LTBP4: variants seen among roughly 807,000 people sequenced by gnomAD.
The protein encoded by LTBP4 is latent-transforming growth factor beta-binding protein 4.
In LTBP4, 93 loss-of-function variants were observed where a neutral mutation model predicts 180.2. That is an observed-to-expected ratio of 0.52 (90% CI 0.44 to 0.61). The LOEUF is 0.61. Among genes scored for constraint, LTBP4 ranks in the 20% least tolerant of loss-of-function variants. The probability of loss-of-function intolerance (pLI) is 0.00; values close to 1 mark genes in which losing one functional copy is unlikely to be tolerated. For synonymous variants in LTBP4, 947 were observed against 934.5 expected (o/e 1.01, Z -0.24); for missense variants, 2,116 against 2,256.5 (o/e 0.94, Z 1.26).
chr19:40,625,794 G>A (rs2081629307), intron 26 of LTBP4, 63 bp from the exon 27 acceptor site: 2 of 1,429,602 alleles, frequency 1.4e-6, no homozygotes, highest in East Asian at 2.6e-5. Flanking sequence ...CAGGGGAAGG[G>A]TCCAGCCCCT....
At position 40,629,388 on chromosome 19, in the gene LTBP4, CT is replaced by C; in HGVS notation, c.4520-7del. 1 of 1,612,810 alleles carries C rather than the reference CT, an allele frequency of 6.2e-7. No homozygotes were observed. The highest frequency in any genetic ancestry group is 8.5e-7 in the Non-Finnish European group (1 of 1,179,522). ...CCTTCAGCAGCGATCGTTGTCTCCCCTCCGCAGACATCAACGAGTGTGATGA... is the reference window on the plus strand; with the variant it reads ...CCTTCAGCAGCGATCGTTGTCTCCCCCCGCAGACATCAACGAGTGTGATGA... On this transcript the variant is annotated splice_polypyrimidine_tract_variant and splice_region_variant and intron_variant, in intron 29 of 29. Transcript: ENST00000396819. The surrounding 1 kb of genome is among the most constrained non-coding windows in gnomAD (Gnocchi z 4.5).
In LTBP4 at chr19:40,605,325, G is replaced by C. The variant is rs1016941330; in HGVS notation, c.443-80G>C. ...CCGCCTTCCCGAGCACCTTTGCCCA[G>C]CTCGCCCTCCCCGCCTTGTCTAGCC... On this transcript the variant is annotated intron_variant, in intron 2 of 29. Coordinates refer to ENST00000396819, the MANE Select transcript of LTBP4 (RefSeq NM_001042545.2). This position sits in a 1 kb window ranked among gnomAD's most constrained non-coding sequence, Gnocchi z 5.5. 7.6e-6 allele frequency: 12 copies of C among 1,583,572 alleles called. No homozygotes were observed. The highest frequency in any genetic ancestry group is 3.3e-4 in the Middle Eastern group (2 of 6,046).
At chr19:40,593,928 G>T (rs1345383389) in intron 1 of LTBP4, among the ~76,000 whole-genome samples, 1 of 152,004 alleles carries the variant, frequency 6.6e-6, no homozygotes, top group African/African-American at 2.4e-5. Context: ...TGAGTAGCCG[G>T]GATTACAGGC....
At position 40,609,209 on chromosome 19, in the gene LTBP4, G is replaced by GTAGATAATTATTTTTCATTATCTAATAT. The variant is rs1346034802; in HGVS notation, c.1427-307_1427-280dup. ...GTAAGTGCTCAGATAAATACTTATGGTAGATAATTATTTTTCATTATCTAA... is the reference window on the plus strand; with the variant it reads ...GTAAGTGCTCAGATAAATACTTATGGTAGATAATTATTTTTCATTATCTAATATTAGATAATTATTTTTCATTATCTAA... On this transcript the variant is annotated intron_variant, in intron 9 of 29. Transcript: ENST00000396819. The surrounding 1 kb of genome is among the most constrained non-coding windows in gnomAD (Gnocchi z 4.9). Among the ~76,000 whole-genome samples, 6 of 152,228 alleles carry GTAGATAATTATTTTTCATTATCTAATAT rather than the reference G, an allele frequency of 3.9e-5. No individual in the cohort carries two copies. The East Asian group carries it at 7.7e-4, about 20-fold the overall frequency.
chr19:40,610,455 C>G (rs1568406026), intron 11 of LTBP4, 77 bp from the exon 12 acceptor site: 7 of 1,508,122 alleles, frequency 4.6e-6, no homozygotes, highest in African/African-American at 1.4e-5. Flanking sequence ...CTCCCGCTTC[C>G]CTCTACCCCT....
chr19:40,614,163 T>A lies in LTBP4; in HGVS notation c.2680+125T>A, dbSNP rs1348607710. Reference sequence around the variant, plus strand: ...CCTTACCTCTTTCCCCCGCCTCCTCTCCTAGCCTCCCCAACTCTCCTCTAC... The same window carrying A: ...CCTTACCTCTTTCCCCCGCCTCCTCACCTAGCCTCCCCAACTCTCCTCTAC... On this transcript the variant is annotated intron_variant, in intron 18 of 29. Transcript: ENST00000396819. 5 of 1,417,012 alleles carry A rather than the reference T, an allele frequency of 3.5e-6. No homozygotes were observed. In the Admixed American group the frequency reaches 9.4e-5, roughly 27 times the overall value. The allele number at this position is 1,417,012 out of a possible 1,614,324, so 87.8% of individuals were successfully genotyped here.
intron 26 of LTBP4, among the ~76,000 whole-genome samples, chr19:40,624,347 G>A (rs2081609744): frequency 1.3e-5 from 2 of 152,228 alleles, no homozygotes; most frequent in Non-Finnish European, 2.9e-5. Context: ...CACACTGGGT[G>A]AATAGCCCCT....
chr19:40,606,712 C>A (rs1250639980), intron 6 of LTBP4, among the ~76,000 whole-genome samples, 186 bp downstream of exon 6: 1 of 152,228 alleles, frequency 6.6e-6, no homozygotes, highest in Non-Finnish European at 1.5e-5. Flanking sequence ...CACCTTTAGA[C>A]CTTTCAAGCC....
At chr19:40,604,308 C>G (rs539356779) in intron 1 of LTBP4, among the ~76,000 whole-genome samples, 11 of 151,968 alleles carry the variant, frequency 7.2e-5, no homozygotes, top group Non-Finnish European at 1.3e-4. Flanking sequence ...CTTCGTGGAC[C>G]AAGCAGAGGG....
At chr19:40,604,855 C>T (rs970499566) in intron 1 of LTBP4, among the ~76,000 whole-genome samples, 180 bp from the exon 2 acceptor site, 3 of 152,114 alleles carry the variant, frequency 2.0e-5, no homozygotes, top group African/African-American at 7.2e-5. Flanking sequence ...GTGGGTGGGA[C>T]CGTACCTCTG....
chr19:40,596,473 G>C (rs1054997877), upstream of LTBP4, among the ~76,000 whole-genome samples: 1 of 152,068 alleles, frequency 6.6e-6, no homozygotes, highest in African/African-American at 2.4e-5. Context: ...TGGGGGCGGC[G>C]ATAAGTGGGG....
Position 40,613,187 on chromosome 19 carries a change from C to T in LTBP4, c.2422C>T (p.Pro808Ser). 2.5e-6 allele frequency: 4 copies of T among 1,568,676 alleles called. No homozygotes were observed. Among genetic ancestry groups the T allele is most frequent in the Non-Finnish European group, 3.5e-6 (4 of 1,157,164 alleles). The change falls in exon 16 of 30, where the codon CCC becomes TCC. Residue 808 changes from proline to serine, a missense_variant. By Grantham distance (74) the Pro-to-Ser change is moderately conservative. Around this residue, in one of 5 missense-constraint regions of LTBP4, gnomAD observed 877 missense variants for 873.6 expected, o/e 1.00. Coordinates refer to ENST00000396819, the MANE Select transcript of LTBP4 (RefSeq NM_001042545.2). This position sits in a 1 kb window ranked among gnomAD's most constrained non-coding sequence, Gnocchi z 5.0. Reference sequence around the variant, plus strand: ...CCGGGCGCCGTCGGGTCGGCCCGGGCCCTGCGCAGGTGAGCAGCATAGGGA... The same window carrying T: ...CCGGGCGCCGTCGGGTCGGCCCGGGTCCTGCGCAGGTGAGCAGCATAGGGA... ...GYRAPSGRPG[P>S]CADVNECLEG... is the part of the protein sequence containing the mutation.
chr19:40,625,300 A>ATT lies in LTBP4; in HGVS notation c.3833-556_3833-555insTT, dbSNP rs2081623501. 1.2e-3 allele frequency among the ~76,000 whole-genome samples: 14 copies of ATT among 11,514 alleles called. 2 individuals carry two copies. Among genetic ancestry groups the ATT allele is most frequent in the African/African-American group, 3.8e-3 (4 of 1,040 alleles). The allele number at this position is 11,514 out of a possible 152,430, so 7.6% of individuals were successfully genotyped here. On this transcript the variant is annotated intron_variant, in intron 26 of 29. Coordinates refer to ENST00000396819, the MANE Select transcript of LTBP4 (RefSeq NM_001042545.2). ...TATATATATATATATATATATATAT[A>ATT]TATATATATATATATATTTTTTTTT... is the stretch of plus-strand genomic sequence containing the variant.
At chr19:40,623,551 A>G (rs545185218) in intron 24 of LTBP4, 53 bp from the exon 25 acceptor site, 2 of 1,579,674 alleles carry the variant, frequency 1.3e-6, no homozygotes, top group Non-Finnish European at 1.7e-6. Context: ...TCATGCCCTC[A>G]CACACTCCAC....
In LTBP4 at chr19:40,617,003, C is replaced by CA; in HGVS notation, c.2928dup (p.Gly977ArgfsTer34). ...TGTGACCCTGGCTATCAGCCCACGC[C>CA]AGGGGGCGGATGCCAGGGTGGGTGT... is the stretch of plus-strand genomic sequence containing the variant. On this transcript the variant is annotated frameshift_variant, in exon 20 of 30. Coordinates refer to ENST00000396819, the MANE Select transcript of LTBP4 (RefSeq NM_001042545.2). LOFTEE classifies it high-confidence loss of function. The CA allele has an allele frequency of 6.2e-7, 1 of 1,613,450 alleles. No individual in the cohort carries two copies. Among genetic ancestry groups the CA allele is most frequent in the Non-Finnish European group, 8.5e-7 (1 of 1,179,392 alleles).
chr19:40,624,291 A>AG lies in LTBP4; in HGVS notation c.3832+212dup, dbSNP rs11424156. On this transcript the variant is annotated intron_variant, in intron 26 of 29. Transcript: ENST00000396819. ...CTAGGTGGTTAAAGGCAAAAGTTTT[A>AG]GGGCAACCTTTGCATGTTGCCTCTT... Among the ~76,000 whole-genome samples, 75,395 of 152,212 alleles carry AG rather than the reference A, an allele frequency of 0.5. 20,702 individuals are homozygous for AG. Among genetic ancestry groups the AG allele is most frequent in the African/African-American group, 0.74 (30,546 of 41,520 alleles).
chr19:40,603,061 G>A (rs1280325388), intron 1 of LTBP4, among the ~76,000 whole-genome samples: 1 of 152,004 alleles, frequency 6.6e-6, no homozygotes, highest in Non-Finnish European at 1.5e-5. Context: ...CCCTAGACCC[G>A]CTCTCCAACC....
chr19:40,598,052 G>A (rs2081400429), upstream of LTBP4, among the ~76,000 whole-genome samples: 1 of 152,064 alleles, frequency 6.6e-6, no homozygotes, highest in African/African-American at 2.4e-5. Context: ...TAGATCTGGG[G>A]GCTATAGGCG....
chr19:40,619,622 A>G (rs1015865156), intron 22 of LTBP4, 129 bp downstream of exon 22: 1 of 1,011,532 alleles, frequency 9.9e-7, no homozygotes, highest in Non-Finnish European at 1.4e-6. Flanking sequence ...CAAAAGACAC[A>G]TAAGTTAACA....
Sources: allele counts gnomAD v4.1 joint callset (sites outside exome capture counted in the v4.1 genomes callset), GRCh38; gene constraint gnomAD v4.1.1; regional missense constraint gnomAD v4.1.1; non-coding constraint Gnocchi (gnomAD v3.1); transcripts MANE v1.5; gene names NCBI Gene and HGNC (gene_info 2026-07-23, HGNC 2026-07-21).